FRMD4B: variants seen among roughly 807,000 people sequenced by gnomAD.
The protein encoded by FRMD4B is FERM domain containing 4B, also known as FERM domain-containing protein 4B.
FRMD4B carries 74 observed loss-of-function variants against 141.5 expected under a neutral mutation model. The ratio of observed to expected loss-of-function variants is 0.52; its 90% CI spans 0.43 to 0.63. The LOEUF (loss-of-function observed/expected upper bound fraction) is 0.63. Ranked by LOEUF, FRMD4B falls within the 30% of genes least tolerant of loss-of-function variation. The probability of loss-of-function intolerance (pLI) is 0.00; values close to 1 mark genes in which losing one functional copy is unlikely to be tolerated. For missense variants in FRMD4B, 1,366 were observed against 1,253.4 expected (o/e 1.09, Z -1.36); for synonymous variants, 506 against 467.9 (o/e 1.08, Z -1.05).
At chr3:69,404,770 G>A (rs1559517927) in intron 2 of FRMD4B, among the ~76,000 whole-genome samples, 1 of 152,166 alleles carries the variant, frequency 6.6e-6, no homozygotes, top group Non-Finnish European at 1.5e-5. Flanking sequence ...AAGACACTGA[G>A]AAGGGTGACA....
At chr3:69,535,731 C>T (rs888273140) in intron 1 of FRMD4B, 41 of 405,152 alleles carry the variant, frequency 1.0e-4, no homozygotes, top group Non-Finnish European at 1.9e-4. Context: ...TTCACGGGCA[C>T]TTGGGGGTCT....
At chr3:69,456,011 C>T (rs556976211) in intron 1 of FRMD4B, among the ~76,000 whole-genome samples, 3 of 152,126 alleles carry the variant, frequency 2.0e-5, no homozygotes, top group Non-Finnish European at 4.4e-5. Context: ...AGATTATGCA[C>T]ATCAAGGACT....
chr3:69,317,798 C>A (rs1385162740), intron 1 of FRMD4B, among the ~76,000 whole-genome samples: 2 of 146,292 alleles, frequency 1.4e-5, no homozygotes, highest in South Asian at 4.5e-4. Context: ...AGAAATCATG[C>A]GGCCTAAGAA....
intron 1 of FRMD4B, among the ~76,000 whole-genome samples, chr3:69,365,687 G>T (rs1012553726): frequency 6.6e-6 from 1 of 151,684 alleles, no homozygotes; most frequent in Non-Finnish European, 1.5e-5. Context: ...TATTACAGAC[G>T]GGGCTTCACC....
At chr3:69,449,307 C>T (rs974366991) in intron 1 of FRMD4B, among the ~76,000 whole-genome samples, 3 of 152,200 alleles carry the variant, frequency 2.0e-5, no homozygotes, top group Admixed American at 6.5e-5. Context: ...TGCATGAAGA[C>T]GTGCATGATG....
rs759229825 is a variant in FRMD4B, at chr3:69,181,062, G to A, written c.2688C>T (p.Ala896=). The change falls in exon 21 of 23, where the codon GCC becomes GCT. Residue 896 remains alanine, a synonymous_variant. Transcript: ENST00000398540. ...ITKNIHKALV[A]EHLRGWYQRA... ...GCTGGTACCAGCCACGCAAGTGCTC[G>A]GCAACTAAGGCCTTGTGGATGTTTT... 31 of 1,613,842 alleles carry A rather than the reference G, an allele frequency of 1.9e-5. No individual in the cohort carries two copies. Among genetic ancestry groups the A allele is most frequent in the Admixed American group, 3.3e-5 (2 of 59,994 alleles).
chr3:69,250,292 T>C lies in FRMD4B; in HGVS notation c.502-193A>G, dbSNP rs527450920. The C allele has an allele frequency of 1.8e-5, 5 of 277,462 alleles. No homozygotes were observed. The East Asian group carries it at 1.8e-4, about 10-fold the overall frequency. The allele number at this position is 277,462 out of a possible 1,614,324, so 17.2% of individuals were successfully genotyped here. ...TTAAGGCGAAACCACTGTGTGTGCG[T>C]GTGTGTGTGTGTGTGTGTGTGTGTG... is the stretch of plus-strand genomic sequence containing the variant. On this transcript the variant is annotated intron_variant, in intron 5 of 22. Transcript: ENST00000398540.
At chr3:69,495,471 C>A (rs551930751) in intron 1 of FRMD4B, among the ~76,000 whole-genome samples, 147 of 152,300 alleles carry the variant, frequency 9.7e-4, no homozygotes, top group Non-Finnish European at 1.2e-3. Flanking sequence ...CTCTCTGCCC[C>A]TGGGCTGTGT....
chr3:69,417,811 G>A (rs1404531483), intron 2 of FRMD4B, among the ~76,000 whole-genome samples: 1 of 152,168 alleles, frequency 6.6e-6, no homozygotes, highest in African/African-American at 2.4e-5. Flanking sequence ...CTGAAATCAA[G>A]GTTTCAGCAG....
intron 1 of FRMD4B, among the ~76,000 whole-genome samples, chr3:69,451,855 C>G (rs1195853950): frequency 3.3e-5 from 5 of 152,190 alleles, no homozygotes. Flanking sequence ...GATGCATATT[C>G]TCTTTTGACA....
intron 1 of FRMD4B, among the ~76,000 whole-genome samples, chr3:69,346,235 T>C (rs1260889161): frequency 6.6e-6 from 1 of 151,814 alleles, no homozygotes; most frequent in East Asian, 1.9e-4. Context: ...GTATGAGTGA[T>C]TGAAGATTAA....
intron 5 of FRMD4B, among the ~76,000 whole-genome samples, chr3:69,282,473 T>G (rs7651515): frequency 0.019 from 2,834 of 152,248 alleles, 77 homozygotes; most frequent in African/African-American, 0.064. Flanking sequence ...TGAAACTATG[T>G]TCTCATAAAA....
At position 69,181,020 on chromosome 3, in the gene FRMD4B, C is replaced by T; in HGVS notation, c.2730G>A (p.Lys910=). ...RGWYQRASGQ[K]DQGHSPQTSF... is the part of the protein sequence containing the mutation. ...TGGTCTGCGGGCTGTGTCCCTGATC[C>T]TTCTGCCCAGAGGCCCGCTGGTACC... The change falls in exon 21 of 23, where the codon AAG becomes AAA. Residue 910 remains lysine, a synonymous_variant. Coordinates refer to ENST00000398540, the MANE Select transcript of FRMD4B (RefSeq NM_015123.3). 2 of 1,614,056 alleles carry T rather than the reference C, an allele frequency of 1.2e-6. No individual in the cohort carries two copies. Among genetic ancestry groups the T allele is most frequent in the Non-Finnish European group, 1.7e-6 (2 of 1,179,902 alleles).
At chr3:69,273,992 C>T (rs2093606661) in intron 5 of FRMD4B, among the ~76,000 whole-genome samples, 1 of 150,926 alleles carries the variant, frequency 6.6e-6, no homozygotes, top group Non-Finnish European at 1.5e-5. Flanking sequence ...GGAAATTTGC[C>T]AAAGGAAAGT....
chr3:69,366,288 A>T (rs1703652533), intron 1 of FRMD4B, among the ~76,000 whole-genome samples: 1 of 151,018 alleles, frequency 6.6e-6, no homozygotes, highest in Non-Finnish European at 1.5e-5. Flanking sequence ...CAAAAACAAA[A>T]AAAATTGACA....
chr3:69,337,441 C>A (rs1702594429), intron 1 of FRMD4B, among the ~76,000 whole-genome samples: 2 of 152,100 alleles, frequency 1.3e-5, no homozygotes, highest in African/African-American at 4.8e-5. Flanking sequence ...GCAACAAAAG[C>A]CAAAATTGAC....
At chr3:69,263,046 G>A (rs1321383099) in intron 5 of FRMD4B, among the ~76,000 whole-genome samples, 1 of 151,998 alleles carries the variant, frequency 6.6e-6, no homozygotes, top group African/African-American at 2.4e-5. Flanking sequence ...ATCACCTGAG[G>A]TCGGGAGTTC....
At chr3:69,541,794 C>CCCCA (rs1701188886) in intron 1 of FRMD4B, among the ~76,000 whole-genome samples, 1 of 150,848 alleles carries the variant, frequency 6.6e-6, no homozygotes, top group Non-Finnish European at 1.5e-5. Context: ...GGATTTCCCC[C>CCCCA]CCCTCTTTTC....
chr3:69,514,910 C>A (rs1210159527), intron 1 of FRMD4B, among the ~76,000 whole-genome samples: 2 of 151,948 alleles, frequency 1.3e-5, no homozygotes, highest in Non-Finnish European at 2.9e-5. Flanking sequence ...AGCCAAAATA[C>A]TTTTGAAAAA....
Sources: allele counts gnomAD v4.1 joint callset (sites outside exome capture counted in the v4.1 genomes callset), GRCh38; gene constraint gnomAD v4.1.1; transcripts MANE v1.5; gene names NCBI Gene and HGNC (gene_info 2026-07-23, HGNC 2026-07-21).